The following NEXN variants were observed in gnomAD, a reference collection of about 807,000 sequenced individuals.
The protein encoded by NEXN is nexilin F-actin binding protein, also known as nexilin.
A neutral mutation model predicts 92.6 loss-of-function variants in NEXN; 65 were observed. The observed-to-expected ratio is 0.70, with a 90% CI of 0.57 to 0.86. The LOEUF (loss-of-function observed/expected upper bound fraction) is 0.86, where lower values mean the gene tolerates loss of function less well. Among genes scored for constraint, NEXN ranks in the 40% least tolerant of loss-of-function variants. The pLI is 0.00. For synonymous variants in NEXN, 254 were observed against 242.5 expected (o/e 1.05, Z -0.44); for missense variants, 778 against 771.1 (o/e 1.01, Z -0.11).
intron 5 of NEXN, 93 bp from the exon 6 acceptor site, chr1:77,925,090 TTACTA>T (rs1649741112): frequency 2.6e-6 from 2 of 768,834 alleles, no homozygotes; most frequent in Admixed American, 4.9e-5. Flanking sequence ...ATTTGAAAAT[TTACTA>T]TAAGTCACAA....
In NEXN at chr1:77,942,979, G is replaced by A; in HGVS notation, c.*150G>A. 8.8e-7 allele frequency: 1 copy of A among 1,139,046 alleles called. No homozygotes were observed. The highest frequency in any genetic ancestry group is 1.3e-6 in the Non-Finnish European group (1 of 783,684). 70.6% of individuals were successfully genotyped at this position (1,139,046 alleles called of 1,614,324 possible). ...CTTTCTTACTACATCCATCTTTTCT[G>A]TGGCGGGGCCAAAAAAGGAAACCAG... On this transcript the variant is annotated 3_prime_UTR_variant, in exon 13 of 13. Transcript: ENST00000334785.
At chr1:77,916,182 G>T in intron 2 of NEXN, 49 bp downstream of exon 2, 2 of 1,461,736 alleles carry the variant, frequency 1.4e-6, no homozygotes, top group South Asian at 2.4e-5. Flanking sequence ...ATGTAGAGTT[G>T]ACTGTAGAAT....
At chr1:77,938,211 C>G (rs1034392722) in intron 11 of NEXN, among the ~76,000 whole-genome samples, 1 of 152,140 alleles carries the variant, frequency 6.6e-6, no homozygotes, top group African/African-American at 2.4e-5. Context: ...AGCCTAAGGC[C>G]TGGGTTAGTT....
At chr1:77,910,362 A>C (rs1648460696) in intron 1 of NEXN, among the ~76,000 whole-genome samples, 1 of 152,226 alleles carries the variant, frequency 6.6e-6, no homozygotes, top group Non-Finnish European at 1.5e-5. Context: ...AAAGGCATCC[A>C]GACTGGAAAG....
At chr1:77,900,809 C>G (rs1647646389) in intron 1 of NEXN, among the ~76,000 whole-genome samples, 1 of 152,118 alleles carries the variant, frequency 6.6e-6, no homozygotes, top group Admixed American at 6.6e-5. Context: ...TTCTTGATAA[C>G]GATTCAATTG....
intron 1 of NEXN, among the ~76,000 whole-genome samples, chr1:77,906,476 T>C (rs1648120827): frequency 6.6e-6 from 1 of 152,212 alleles, no homozygotes; most frequent in Non-Finnish European, 1.5e-5. Context: ...TATAATTAAA[T>C]ACAAAGGTTA....
intron 1 of NEXN, among the ~76,000 whole-genome samples, chr1:77,904,633 C>T (rs1047805454): frequency 2.6e-5 from 4 of 152,018 alleles, no homozygotes; most frequent in East Asian, 1.9e-4. Context: ...GGGAAGGGAG[C>T]GTAGAGTCTA....
intron 1 of NEXN, among the ~76,000 whole-genome samples, chr1:77,892,358 C>T (rs186277555): frequency 2.0e-5 from 3 of 152,214 alleles, no homozygotes; most frequent in East Asian, 3.9e-4. Context: ...CATTTTTGCA[C>T]AGGAACAATA....
intron 1 of NEXN, among the ~76,000 whole-genome samples, chr1:77,911,543 G>C (rs1293648224): frequency 6.6e-6 from 1 of 151,966 alleles, no homozygotes; most frequent in Non-Finnish European, 1.5e-5. Context: ...AGTGAGCCGA[G>C]ATTGCACCAT....
chr1:77,890,927 T>A (rs1056470018), intron 1 of NEXN, among the ~76,000 whole-genome samples: 1 of 152,188 alleles, frequency 6.6e-6, no homozygotes, highest in African/African-American at 2.4e-5. Flanking sequence ...TGGTAGTTTA[T>A]AATTTGGAGA....
rs1379727369 is a variant in NEXN at position 77,943,122 on chromosome 1, AAC to A, written c.*295_*296del. 5.2e-6 allele frequency: 2 copies of A among 385,078 alleles called. No homozygotes were observed. Among genetic ancestry groups the A allele is most frequent in the Admixed American group, 3.7e-5 (1 of 26,890 alleles). 23.9% of individuals were successfully genotyped at this position (385,078 alleles called of 1,614,324 possible). On this transcript the variant is annotated 3_prime_UTR_variant, in exon 13 of 13. Transcript: ENST00000334785. Reference sequence around the variant, plus strand: ...TCAGATTTATCGCCTATTATGCAGTAACAGTCAATAAAATGTACTTATGGGGG... The same window carrying A: ...TCAGATTTATCGCCTATTATGCAGTAAGTCAATAAAATGTACTTATGGGGG...
At chr1:77,901,980 T>C (rs1263854339) in intron 1 of NEXN, among the ~76,000 whole-genome samples, 1 of 152,212 alleles carries the variant, frequency 6.6e-6, no homozygotes, top group Non-Finnish European at 1.5e-5. Context: ...GTAAGCCTTA[T>C]TATATTTTTG....
chr1:77,906,308 A>C (rs1396935708), intron 1 of NEXN, among the ~76,000 whole-genome samples: 5 of 152,202 alleles, frequency 3.3e-5, no homozygotes, highest in Admixed American at 3.3e-4. Flanking sequence ...AGTTCACAGA[A>C]GTTAACTGGC....
intron 1 of NEXN, among the ~76,000 whole-genome samples, chr1:77,906,801 C>A (rs564930253): frequency 4.6e-5 from 7 of 152,010 alleles, no homozygotes; most frequent in Admixed American, 1.3e-4. Flanking sequence ...ACTACAGGGA[C>A]ATGCCACCAC....
chr1:77,914,596 C>T (rs1369666353), intron 1 of NEXN, among the ~76,000 whole-genome samples: 8 of 152,064 alleles, frequency 5.3e-5, no homozygotes, highest in African/African-American at 1.2e-4. Context: ...CGGTGGCTCA[C>T]GCCTGTAATC....
chr1:77,942,685 T>C lies in NEXN; in HGVS notation c.1884T>C (p.Tyr628=), dbSNP rs1193980226. 3.1e-6 allele frequency: 5 copies of C among 1,613,712 alleles called. No individual in the cohort carries two copies. In the South Asian group the frequency reaches 4.4e-5, roughly 14 times the overall value. The change falls in exon 13 of 13, where the codon TAT becomes TAC. Residue 628 remains tyrosine (Y), a synonymous_variant. Transcript: ENST00000334785. ...EGEILQDGED[Y]QYIERGETYC... ...AAATACTGCAGGATGGAGAAGACTA[T>C]CAATATATTGAAAGGGGAGAAACTT...
chr1:77,929,611 C>G lies in NEXN; in HGVS notation c.1053+107C>G, dbSNP rs1029353866. 3.1e-5 allele frequency: 46 copies of G among 1,463,156 alleles called. No homozygotes were observed. In the African/African-American group the frequency reaches 4.8e-4, roughly 15 times the overall value. The allele number at this position is 1,463,156 out of a possible 1,614,324, so 90.6% of individuals were successfully genotyped here. A position where few individuals can be genotyped will look rare whatever the true frequency, so the allele number is the denominator to read the frequency against. ...ACCCTATTATTTCTGGAAACTGTGC[C>G]AAGAGTAGAAATGGCAAATATGTTT... On this transcript the variant is annotated intron_variant, in intron 9 of 12. Transcript: ENST00000334785.
intron 1 of NEXN, chr1:77,889,053 A>G (rs367717679): frequency 6.5e-6 from 1 of 152,738 alleles, no homozygotes; most frequent in Admixed American, 6.5e-5. Flanking sequence ...TCTGGTTGCA[A>G]TGTCTTTGCC....
At chr1:77,934,460 T>G (rs529018879) in intron 10 of NEXN, among the ~76,000 whole-genome samples, 1 of 152,376 alleles carries the variant, frequency 6.6e-6, no homozygotes, top group South Asian at 2.1e-4. Flanking sequence ...CTTGAAATTC[T>G]TAATTTTACC....
Sources: allele counts gnomAD v4.1 joint callset (sites outside exome capture counted in the v4.1 genomes callset), GRCh38; gene constraint gnomAD v4.1.1; transcripts MANE v1.5; gene names NCBI Gene and HGNC (gene_info 2026-07-23, HGNC 2026-07-21).